TATDN1: variants seen among roughly 807,000 people sequenced by gnomAD.
TATDN1 encodes the protein deoxyribonuclease TATDN1.
In TATDN1, 40 loss-of-function variants were observed where a neutral mutation model predicts 46.4. That is an observed-to-expected ratio of 0.86 (90% CI 0.67 to 1.12). The LOEUF is 1.12. TATDN1 is among the 50% of genes most tolerant of loss of function. The pLI is 0.00. For synonymous variants in TATDN1, 95 were observed against 105.6 expected, an observed-to-expected ratio of 0.90 and a Z score of 0.62; for missense variants, 326 against 348.4, an observed-to-expected ratio of 0.94 and a Z score of 0.51.
chr8:124,506,206 G>A lies in TATDN1; in HGVS notation c.517-1859C>T, dbSNP rs762103253. On this transcript the variant is annotated intron_variant, in intron 8 of 11. Transcript: ENST00000276692. ...AAAAATTAGCCAGGCGTGGTGGTGC[G>A]TGCCTGTAGCCCCAGCTACTCGGGA... Among the ~76,000 whole-genome samples the A allele has an allele frequency of 3.3e-5, 5 of 151,500 alleles. No individual in the cohort carries two copies. In the East Asian group the frequency reaches 5.8e-4, roughly 18 times the overall value.
intron 8 of TATDN1, among the ~76,000 whole-genome samples, chr8:124,505,536 C>CAAAAAAAAAAAAAAAA (rs199714420): frequency 2.7e-5 from 2 of 75,364 alleles, no homozygotes; most frequent in African/African-American, 8.6e-5. Context: ...GAAACTGTCT[C>CAAAAAAAAAAAAAAAA]AAAAAAAAAA....
intron 9 of TATDN1, chr8:124,503,887 T>C: frequency 7.8e-7 from 1 of 1,289,118 alleles, no homozygotes; most frequent in South Asian, 1.2e-5. Flanking sequence ...TGCAGAGATG[T>C]ATGACTGTCA....
At chr8:124,504,514 C>T in intron 8 of TATDN1, 167 bp from the exon 9 acceptor site, 2 of 423,412 alleles carry the variant, frequency 4.7e-6, no homozygotes, top group Non-Finnish European at 8.5e-6. Context: ...TTATTTTTCA[C>T]AATTACAACC....
At chr8:124,515,632 G>A (rs1819392845) in intron 6 of TATDN1, 114 bp downstream of exon 6, 1 of 1,054,250 alleles carries the variant, frequency 9.5e-7, no homozygotes, top group Non-Finnish European at 1.4e-6. Flanking sequence ...ATATACAAAG[G>A]GAAAAACAAA....
At chr8:124,499,487 C>CTT (rs1817756019) in intron 9 of TATDN1, among the ~76,000 whole-genome samples, 1 of 152,092 alleles carries the variant, frequency 6.6e-6, no homozygotes, top group Non-Finnish European at 1.5e-5. Flanking sequence ...TTTAATAAGG[C>CTT]TTCCCATTTA....
chr8:124,504,173 C>T, intron 9 of TATDN1, 98 bp downstream of exon 9: 1 of 928,528 alleles, frequency 1.1e-6, no homozygotes, highest in Non-Finnish European at 1.6e-6. Flanking sequence ...CACACACAAA[C>T]TTTAATGAAA....
At chr8:124,526,193 T>C (rs1044897577) in intron 1 of TATDN1, among the ~76,000 whole-genome samples, 1 of 152,234 alleles carries the variant, frequency 6.6e-6, no homozygotes, top group Non-Finnish European at 1.5e-5. Context: ...TGATTTGTCC[T>C]TTAAAAATTT....
chr8:124,516,116 T>C, intron 4 of TATDN1, 86 bp from the exon 5 acceptor site: 2 of 1,157,540 alleles, frequency 1.7e-6, no homozygotes, highest in South Asian at 2.1e-5. Context: ...TATCAAGTAA[T>C]TTCAACTGGT....
Position 124,515,957 on chromosome 8 carries a change from G to T in TATDN1, c.276C>A (p.Tyr92Ter), listed in dbSNP as rs774619599. 1.9e-6 allele frequency: 3 copies of T among 1,613,922 alleles called. No individual in the cohort carries two copies. Among genetic ancestry groups the T allele is most frequent in the Non-Finnish European group, 1.7e-6 (2 of 1,179,972 alleles). Reference protein sequence around the residue: ...GEFEKNNPDLYLKELLNLAEN... With the variant: ...GEFEKNNPDL The stretch of plus-strand genomic sequence containing the variant: ...CAGCAAGATTTAGCAACTCCTTTAA[G>T]TAAAGATCAGGGTTATTCTTTTCAA... The change falls in exon 5 of 12, where the codon TAC becomes TAA. Residue 92 changes from tyrosine to a stop codon, truncating the protein, a stop_gained. Transcript: ENST00000276692. LOFTEE classifies it high-confidence loss of function.
intron 1 of TATDN1, among the ~76,000 whole-genome samples, chr8:124,523,837 A>G (rs945161973): frequency 6.6e-6 from 1 of 152,146 alleles, no homozygotes; most frequent in African/African-American, 2.4e-5. Context: ...AGAAGACACC[A>G]GACTCAGTTA....
chr8:124,512,362 T>A (rs994358767), intron 6 of TATDN1, among the ~76,000 whole-genome samples: 25 of 151,506 alleles, frequency 1.7e-4, no homozygotes, highest in Non-Finnish European at 4.4e-5. Flanking sequence ...GAGGTGGAGG[T>A]TGCAGTGATC....
At chr8:124,508,143 C>A (rs1378898578) in intron 8 of TATDN1, among the ~76,000 whole-genome samples, 2 of 152,108 alleles carry the variant, frequency 1.3e-5, no homozygotes, top group Non-Finnish European at 2.9e-5. Flanking sequence ...GTGTGTGGGA[C>A]CAAAAGTGTT....
intron 1 of TATDN1, among the ~76,000 whole-genome samples, chr8:124,527,652 T>G (rs1001075331): frequency 6.6e-6 from 1 of 152,120 alleles, no homozygotes. Flanking sequence ...TAGTGTCCAT[T>G]CAGTCAGTCG....
intron 1 of TATDN1, among the ~76,000 whole-genome samples, chr8:124,536,572 G>A (rs768218526): frequency 2.0e-5 from 3 of 152,118 alleles, no homozygotes; most frequent in Admixed American, 2.0e-4. Context: ...CACTGTTGGG[G>A]TATAGTTCTA....
intron 6 of TATDN1, among the ~76,000 whole-genome samples, chr8:124,512,479 G>A (rs1023557445): frequency 6.6e-6 from 1 of 152,136 alleles, no homozygotes; most frequent in African/African-American, 2.4e-5. Flanking sequence ...GTTCCAGATG[G>A]TAGAAAAGTG....
intron 4 of TATDN1, among the ~76,000 whole-genome samples, chr8:124,518,067 C>G (rs544900838): frequency 9.2e-5 from 14 of 151,718 alleles, no homozygotes; most frequent in Admixed American, 9.2e-4. Context: ...AAAAAATTAG[C>G]TGGGCATGGT....
Position 124,518,825 on chromosome 8 carries a change from T to C in TATDN1, c.195A>G (p.Gln65=). ...AAAGAAATATGAGGATACCATTTGT[T>C]TGTGCCAAATGCAGTGCATCTTTAC... The part of the protein sequence containing the change: ...QDSKDALHLA[Q]TNGMFFSTVG... Residue 65 remains glutamine (Q), a synonymous_variant, in exon 4 of 12, where the codon CAA becomes CAG. Coordinates refer to ENST00000276692, the MANE Select transcript of TATDN1 (RefSeq NM_032026.4). The C allele has an allele frequency of 3.1e-6, 5 of 1,610,314 alleles. No individual in the cohort carries two copies. Among genetic ancestry groups the C allele is most frequent in the Non-Finnish European group, 4.2e-6 (5 of 1,177,068 alleles).
At chr8:124,538,769 T>C (rs1490271003) in intron 1 of TATDN1, among the ~76,000 whole-genome samples, 2 of 152,214 alleles carry the variant, frequency 1.3e-5, no homozygotes, top group Non-Finnish European at 2.9e-5. Context: ...ACATTACAGA[T>C]GTTGAAAACA....
At position 124,523,008 on chromosome 8, in the gene TATDN1, G is replaced by A. The variant is rs761133403; in HGVS notation, c.23-6C>T. ...AGTCAAGTTGATACCAATATCTGTA[G>A]AAAGCAAAAGTCACTGATTAATTAT... On this transcript the variant is annotated splice_polypyrimidine_tract_variant and splice_region_variant and intron_variant, in intron 1 of 11. Transcript: ENST00000276692. The A allele has an allele frequency of 6.8e-6, 11 of 1,610,400 alleles. No homozygotes were observed. Among genetic ancestry groups the A allele is most frequent in the Non-Finnish European group, 9.3e-6 (11 of 1,177,658 alleles).
Sources: allele counts gnomAD v4.1 joint callset (sites outside exome capture counted in the v4.1 genomes callset), GRCh38; gene constraint gnomAD v4.1.1; transcripts MANE v1.5; gene names NCBI Gene and HGNC (gene_info 2026-07-23, HGNC 2026-07-21).